Variants in DLEC1 observed in about 807,000 individuals in gnomAD.
DLEC1 encodes deleted in lung and esophageal cancer protein 1.
A neutral mutation model predicts 198.1 loss-of-function variants in DLEC1; 146 were observed. The ratio of observed to expected loss-of-function variants is 0.74; its 90% CI spans 0.64 to 0.85. DLEC1 has a LOEUF of 0.85. Among genes scored for constraint, DLEC1 ranks in the 40% least tolerant of loss-of-function variants. The probability of loss-of-function intolerance (pLI) is 0.00; values close to 1 mark genes in which losing one functional copy is unlikely to be tolerated. For missense variants in DLEC1, 2,233 were observed against 2,220.0 expected (o/e 1.01, Z -0.12); for synonymous variants, 897 against 866.8 (o/e 1.03, Z -0.61).
intron 6 of DLEC1, among the ~76,000 whole-genome samples, chr3:38,070,904 G>A (rs750623312): frequency 6.6e-6 from 1 of 152,156 alleles, no homozygotes; most frequent in South Asian, 2.1e-4. Context: ...CAGGAGATGC[G>A]ATGGCTTGCC....
At chr3:38,097,086 A>G in intron 15 of DLEC1, 96 bp from the exon 16 acceptor site, 1 of 1,191,158 alleles carries the variant, frequency 8.4e-7, no homozygotes, top group Non-Finnish European at 1.2e-6. Flanking sequence ...TGTCATATGG[A>G]CTCTTTACGA....
chr3:38,045,427 T>A (rs529903759), intron 1 of DLEC1, 116 bp from the exon 2 acceptor site: 18 of 1,336,094 alleles, frequency 1.3e-5, no homozygotes, highest in African/African-American at 3.0e-5. Flanking sequence ...TTGGAATAGT[T>A]CTCTGACTAT....
chr3:38,052,989 G>A (rs866546005), intron 2 of DLEC1, among the ~76,000 whole-genome samples: 13 of 152,186 alleles, frequency 8.5e-5, no homozygotes, highest in Admixed American at 2.0e-4. Context: ...ACGGGGTTTC[G>A]CTGTGTTGGC....
At chr3:38,063,135 T>C (rs1275763400) in intron 5 of DLEC1, among the ~76,000 whole-genome samples, 1 of 152,248 alleles carries the variant, frequency 6.6e-6, no homozygotes, top group African/African-American at 2.4e-5. Flanking sequence ...TGATTGATTA[T>C]AAATAATTAG....
At chr3:38,115,129 TG>T (rs200515313) in intron 27 of DLEC1, 76 bp downstream of exon 27, 51,517 of 1,555,630 alleles carry the variant, frequency 0.033, 1,060 homozygotes, top group South Asian at 0.04. Flanking sequence ...GGAGGGAAGG[TG>T]GGAGGGAAGC....
At chr3:38,069,375 A>G (rs1377198169) in intron 6 of DLEC1, among the ~76,000 whole-genome samples, 1 of 152,234 alleles carries the variant, frequency 6.6e-6, no homozygotes, top group Non-Finnish European at 1.5e-5. Flanking sequence ...TACCATCATT[A>G]TTAGGTAATA....
chr3:38,085,561 A>C (rs1429159253), intron 8 of DLEC1, 114 bp downstream of exon 8: 3 of 1,326,310 alleles, frequency 2.3e-6, no homozygotes, highest in Admixed American at 4.3e-5. Flanking sequence ...TCTCTTGGGC[A>C]GGGGCCGTGG....
intron 7 of DLEC1, among the ~76,000 whole-genome samples, chr3:38,084,840 C>A (rs1698356893): frequency 6.6e-6 from 1 of 152,026 alleles, no homozygotes; most frequent in Non-Finnish European, 1.5e-5. Flanking sequence ...ACTCCTCGTG[C>A]TGCCATTCTC....
rs1005361986 is a variant in DLEC1, at chr3:38,118,031, G to A, written c.4704+7G>A. 1.4e-5 allele frequency: 22 copies of A among 1,585,154 alleles called. No individual in the cohort carries two copies. The highest frequency in any genetic ancestry group is 2.7e-5 in the African/African-American group (2 of 73,996). ...AGCACAGGAGAACATGCTGGTCAGT[G>A]GGGGAGTCTGCAGCCCTTGCCTCGA... On this transcript the variant is annotated splice_region_variant and intron_variant, in intron 33 of 36. Transcript: ENST00000308059.
intron 2 of DLEC1, chr3:38,051,863 A>C (rs1356568440): frequency 6.5e-6 from 1 of 153,494 alleles, no homozygotes; most frequent in African/African-American, 2.4e-5. Context: ...AAAGAGCAGA[A>C]AGTTATAACT....
chr3:38,074,578 G>A (rs1476163719), intron 6 of DLEC1, among the ~76,000 whole-genome samples: 1 of 152,188 alleles, frequency 6.6e-6, no homozygotes, highest in Non-Finnish European at 1.5e-5. Context: ...CAACTAGGCA[G>A]GAAATCATGT....
At chr3:38,082,629 G>C (rs1215821488) in intron 6 of DLEC1, among the ~76,000 whole-genome samples, 1 of 152,188 alleles carries the variant, frequency 6.6e-6, no homozygotes, top group African/African-American at 2.4e-5. Context: ...TTGCCGCTAA[G>C]GGTGAAGGAG....
intron 15 of DLEC1, 55 bp downstream of exon 15, chr3:38,096,792 G>C (rs1699046365): frequency 2.6e-6 from 4 of 1,539,166 alleles, no homozygotes; most frequent in East Asian, 4.5e-5. Context: ...TGACATGAGT[G>C]CAAGTGTAGG....
intron 2 of DLEC1, among the ~76,000 whole-genome samples, chr3:38,055,704 C>T (rs149858912): frequency 5.7e-5 from 4 of 69,650 alleles, no homozygotes; most frequent in East Asian, 9.9e-4. Flanking sequence ...TCAGTGAAGA[C>T]GTGAGCAACG....
chr3:38,114,138 C>T (rs1700028297), intron 25 of DLEC1, among the ~76,000 whole-genome samples: 1 of 146,914 alleles, frequency 6.8e-6, no homozygotes, highest in Non-Finnish European at 1.5e-5. Context: ...AAAAAGTCCT[C>T]AGGCTGGGAG....
rs556900251 is a variant in DLEC1 at position 38,064,008 on chromosome 3, T to TTTTC, written c.1173+92_1173+93insCTTT. On this transcript the variant is annotated intron_variant, in intron 6 of 36. Coordinates refer to ENST00000308059, the MANE Select transcript of DLEC1 (RefSeq NM_007335.4). ...TTATGGAAATTTTCTTTTTTTTTTC[T>TTTTC]TTTTTTTTTTTTTTTTAGTATTTAT... is the stretch of plus-strand genomic sequence containing the variant. 599 of 236,144 alleles carry TTTTC rather than the reference T, an allele frequency of 2.5e-3. 5 individuals carry two copies. Among genetic ancestry groups the TTTTC allele is most frequent in the African/African-American group, 0.025 (547 of 21,910 alleles). 14.6% of individuals were successfully genotyped at this position (236,144 alleles called of 1,614,324 possible). A position where few individuals can be genotyped will look rare whatever the true frequency, so the allele number is the denominator to read the frequency against.
At chr3:38,062,503 G>C in intron 4 of DLEC1, 78 bp from the exon 5 acceptor site, 1 of 1,581,938 alleles carries the variant, frequency 6.3e-7, no homozygotes, top group South Asian at 1.1e-5. Context: ...CCATCTATGG[G>C]TCATGCAGTT....
At chr3:38,056,336 G>A (rs1696373632) in intron 2 of DLEC1, among the ~76,000 whole-genome samples, 1 of 152,188 alleles carries the variant, frequency 6.6e-6, no homozygotes. Context: ...TTGAGACAGA[G>A]TCTTGCTGTG....
chr3:38,061,769 G>A (rs1356214765), intron 3 of DLEC1, among the ~76,000 whole-genome samples: 3 of 152,140 alleles, frequency 2.0e-5, no homozygotes, highest in Non-Finnish European at 4.4e-5. Flanking sequence ...CTGTGCTGAA[G>A]TAATTCTCCC....
Sources: gnomAD v4.1 joint callset for allele counts (sites outside exome capture counted in the v4.1 genomes callset) on GRCh38, gnomAD v4.1.1 for gene constraint, MANE v1.5 for transcripts, NCBI Gene and HGNC (gene_info 2026-07-23, HGNC 2026-07-21) for gene names.